Variants in ADGRL2 observed in about 807,000 individuals in gnomAD.
ADGRL2 encodes the protein adhesion G protein-coupled receptor L2.
A neutral mutation model predicts 157.4 loss-of-function variants in ADGRL2; 44 were observed. The ratio of observed to expected loss-of-function variants is 0.28; its 90% CI spans 0.22 to 0.36. The LOEUF (loss-of-function observed/expected upper bound fraction) is 0.36. ADGRL2 is among the 10% of genes least tolerant of loss of function. ADGRL2 has a pLI of 1.00. For missense variants in ADGRL2, 1,510 were observed against 1,768.9 expected, an observed-to-expected ratio of 0.85 and a Z score of 2.63; for synonymous variants, 585 against 624.7, an observed-to-expected ratio of 0.94 and a Z score of 0.95.
chr1:81,893,309 C>T (rs2389206), intron 2 of ADGRL2, among the ~76,000 whole-genome samples: 3,458 of 114,328 alleles, frequency 0.03, 65 homozygotes, highest in Middle Eastern at 0.089. Context: ...TGTGACTTAT[C>T]AATCCTGTCT....
At chr1:81,532,773 A>T (rs1413174986) in intron 2 of ADGRL2, among the ~76,000 whole-genome samples, 2 of 152,042 alleles carry the variant, frequency 1.3e-5, no homozygotes, top group Non-Finnish European at 1.5e-5. Context: ...GTAAAAAATT[A>T]GCCAGGTGTG....
At chr1:81,475,022 A>G (rs928611657) in intron 2 of ADGRL2, among the ~76,000 whole-genome samples, 1 of 152,108 alleles carries the variant, frequency 6.6e-6, no homozygotes, top group Non-Finnish European at 1.5e-5. Flanking sequence ...CCCAGGGCCT[A>G]AAAGCAGTCA....
At chr1:81,358,342 A>G (rs564008460) in intron 1 of ADGRL2, among the ~76,000 whole-genome samples, 142 of 152,280 alleles carry the variant, frequency 9.3e-4, no homozygotes, top group African/African-American at 2.3e-3. Context: ...CTTGGAATGA[A>G]TGTGTCTTGA....
At chr1:81,868,510 C>T (rs1424530102) in intron 2 of ADGRL2, among the ~76,000 whole-genome samples, 1 of 152,084 alleles carries the variant, frequency 6.6e-6, no homozygotes, top group Non-Finnish European at 1.5e-5. Flanking sequence ...GGTAAGCTCT[C>T]CTGGGTTCAG....
At chr1:81,858,583 C>T (rs976443238) in intron 2 of ADGRL2, among the ~76,000 whole-genome samples, 6 of 152,070 alleles carry the variant, frequency 3.9e-5, no homozygotes, top group Admixed American at 2.6e-4. Context: ...CATGACACAT[C>T]CTTACCTCTT....
At chr1:81,626,777 A>G (rs2081920122) in intron 3 of ADGRL2, among the ~76,000 whole-genome samples, 1 of 152,214 alleles carries the variant, frequency 6.6e-6, no homozygotes, top group South Asian at 2.1e-4. Context: ...TCCTTTGACC[A>G]ATGCCTCAGA....
Position 81,990,892 on chromosome 1 carries a change from C to T in ADGRL2, c.4157C>T (p.Pro1386Leu). 1 of 1,614,034 alleles carries T rather than the reference C, an allele frequency of 6.2e-7. No homozygotes were observed. Among genetic ancestry groups the T allele is most frequent in the East Asian group, 2.2e-5 (1 of 44,842 alleles). Residue 1386 changes from proline to leucine, a missense_variant, in exon 24 of 24, where the codon CCC becomes CTC. This residue lies in a region of ADGRL2 where 327 missense variants were observed against 310.1 expected (regional missense o/e 1.05). Transcript: ENST00000686636. ...AGAGACTCTCTTTATACAAGCATGC[C>T]CAATCTTAGAGACTCTCCCTATCCG... is the stretch of plus-strand genomic sequence containing the variant. ...PNRDSLYTSMPNLRDSPYPES... is the reference protein window; with the variant it reads ...PNRDSLYTSMLNLRDSPYPES...
chr1:81,947,240 C>A (rs958312963), intron 6 of ADGRL2, among the ~76,000 whole-genome samples: 1 of 152,098 alleles, frequency 6.6e-6, no homozygotes, highest in Non-Finnish European at 1.5e-5. Context: ...GAGTTTTGAA[C>A]CTTTTGCCAT....
chr1:81,406,665 T>A (rs542987201), intron 1 of ADGRL2, among the ~76,000 whole-genome samples: 120 of 152,308 alleles, frequency 7.9e-4, no homozygotes, highest in Non-Finnish European at 1.4e-3. Flanking sequence ...TATTTTTCTG[T>A]TAATTAAAAA....
intron 2 of ADGRL2, among the ~76,000 whole-genome samples, chr1:81,545,239 T>G (rs897566206): frequency 2.6e-5 from 4 of 152,036 alleles, no homozygotes; most frequent in African/African-American, 9.7e-5. Flanking sequence ...AGTAGTGGGA[T>G]TCAAACTTAT....
chr1:81,878,171 A>C (rs1198472250), intron 2 of ADGRL2, among the ~76,000 whole-genome samples: 4 of 152,128 alleles, frequency 2.6e-5, no homozygotes, highest in African/African-American at 9.6e-5. Flanking sequence ...AATCTCTTAC[A>C]TTCAAAGCAC....
chr1:81,505,542 C>T (rs1267631914), intron 2 of ADGRL2, among the ~76,000 whole-genome samples: 3 of 150,630 alleles, frequency 2.0e-5, no homozygotes, highest in Non-Finnish European at 2.9e-5. Flanking sequence ...CAGGGTGTCA[C>T]CCAGAGCCGG....
intron 2 of ADGRL2, among the ~76,000 whole-genome samples, chr1:81,569,051 G>A (rs2080626755): frequency 6.6e-6 from 1 of 151,910 alleles, no homozygotes; most frequent in Non-Finnish European, 1.5e-5. Flanking sequence ...CCTCTGTATA[G>A]CCACTTATTT....
At chr1:81,846,720 A>G (rs1402064748) in intron 2 of ADGRL2, among the ~76,000 whole-genome samples, 1 of 151,940 alleles carries the variant, frequency 6.6e-6, no homozygotes, top group Non-Finnish European at 1.5e-5. Flanking sequence ...TTGTAGTACT[A>G]AAATCTAAGC....
At chr1:81,505,198 C>T (rs1228333857) in intron 2 of ADGRL2, 1 of 445,900 alleles carries the variant, frequency 2.2e-6, no homozygotes, top group Non-Finnish European at 4.4e-6. Context: ...ACCCCCACTC[C>T]CACACACACA....
rs75705290 is a variant in ADGRL2, at chr1:81,909,733, T to C, written c.287+2503T>C. ...TCAAACCATTGCTTGTTTTTTTTTT[T>C]ACCTTATATGTTGCCCAAGATGGTT... On this transcript the variant is annotated intron_variant, in intron 3 of 23. Transcript: ENST00000686636. 3.4e-3 allele frequency among the ~76,000 whole-genome samples: 512 copies of C among 152,228 alleles called. 21 individuals are homozygous for C. In the South Asian group the frequency reaches 0.054, roughly 16 times the overall value.
intron 1 of ADGRL2, among the ~76,000 whole-genome samples, chr1:81,398,580 T>C (rs1228445612): frequency 1.3e-5 from 2 of 152,220 alleles, no homozygotes; most frequent in Non-Finnish European, 1.5e-5. Flanking sequence ...GGTCTGGTGG[T>C]GATGAATTCC....
At chr1:81,354,657 C>T (rs72713434) in intron 1 of ADGRL2, among the ~76,000 whole-genome samples, 2,884 of 152,272 alleles carry the variant, frequency 0.019, 42 homozygotes, top group Non-Finnish European at 0.029. Context: ...TTCCTGTACT[C>T]ATGCATTCAT....
At chr1:81,914,537 C>G (rs6686165) in intron 3 of ADGRL2, among the ~76,000 whole-genome samples, 3,670 of 152,150 alleles carry the variant, frequency 0.024, 144 homozygotes, top group African/African-American at 0.083. Flanking sequence ...GCATTCTTAC[C>G]CTTATGTTAT....
Sources: gnomAD v4.1 joint callset for allele counts (sites outside exome capture counted in the v4.1 genomes callset) on GRCh38, gnomAD v4.1.1 for gene constraint, gnomAD v4.1.1 regional missense constraint, MANE v1.5 for transcripts, NCBI Gene and HGNC (gene_info 2026-07-23, HGNC 2026-07-21) for gene names.